DNAH14: variants seen among roughly 807,000 people sequenced by gnomAD.
DNAH14 encodes the protein dynein axonemal heavy chain 14, also known as axonemal beta dynein heavy chain 14.
In DNAH14, 478 loss-of-function variants were observed where a neutral mutation model predicts 520.9. That is an observed-to-expected ratio of 0.92 (90% confidence interval 0.85 to 0.99). The LOEUF (loss-of-function observed/expected upper bound fraction) is 0.99. Among genes scored for constraint, DNAH14 ranks in the 50% least tolerant of loss-of-function variants. DNAH14 has a pLI of 0.00. For missense variants in DNAH14, 4,831 were observed against 5,234.5 expected (o/e 0.92, Z 2.38); for synonymous variants, 1,581 against 1,757.2 (o/e 0.90, Z 2.51).
intron 8 of DNAH14, among the ~76,000 whole-genome samples, chr1:224,977,695 A>G (rs79496569): frequency 0.055 from 8,381 of 152,302 alleles, 469 homozygotes; most frequent in East Asian, 0.24. Flanking sequence ...AGAATGCTGT[A>G]TCTGCGCAGC....
chr1:225,161,136 C>T (rs902751911), intron 35 of DNAH14, among the ~76,000 whole-genome samples: 1 of 151,938 alleles, frequency 6.6e-6, no homozygotes, highest in Non-Finnish European at 1.5e-5. Context: ...TTTTTTTGTG[C>T]ACATTAACCA....
intron 11 of DNAH14, among the ~76,000 whole-genome samples, chr1:225,037,654 A>C (rs1328312496): frequency 6.6e-6 from 1 of 151,032 alleles, no homozygotes; most frequent in East Asian, 2.0e-4. Context: ...AATAGTTTAC[A>C]CATCACCGTT....
chr1:225,208,819 T>C lies in DNAH14; in HGVS notation c.6439+1599T>C, dbSNP rs145287030. Among the ~76,000 whole-genome samples, 313 of 152,322 alleles carry C rather than the reference T, an allele frequency of 2.1e-3. 1 individual carries two copies. Among genetic ancestry groups the C allele is most frequent in the African/African-American group, 7.2e-3 (299 of 41,578 alleles). ...TCTCTTTGTGTTTCTGTTTGGTTGA[T>C]TTCTATTGACTTGTCCTCCAATTTA... On this transcript the variant is annotated intron_variant, in intron 41 of 85. Transcript: ENST00000682510.
chr1:225,108,674 A>T (rs2076273230), intron 23 of DNAH14, among the ~76,000 whole-genome samples: 1 of 152,034 alleles, frequency 6.6e-6, no homozygotes, highest in Admixed American at 6.6e-5. Context: ...TTGTCTCTTC[A>T]TTATTTTGTT....
intron 74 of DNAH14, among the ~76,000 whole-genome samples, chr1:225,360,389 A>C (rs1223190477): frequency 6.6e-6 from 1 of 152,168 alleles, no homozygotes; most frequent in African/African-American, 2.4e-5. Context: ...CTGAGTATAC[A>C]GCCATCTCGA....
At chr1:225,024,119 C>T in intron 11 of DNAH14, 1 of 1,038,386 alleles carries the variant, frequency 9.6e-7, no homozygotes, top group Non-Finnish European at 1.2e-6. Flanking sequence ...TCAAGTATTA[C>T]CTATGTTAAA....
At chr1:224,992,686 G>A (rs1905119) in intron 8 of DNAH14, among the ~76,000 whole-genome samples, 1 of 151,934 alleles carries the variant, frequency 6.6e-6, no homozygotes, top group Admixed American at 6.6e-5. Flanking sequence ...TTTCTTATTA[G>A]GATGTCTTTT....
intron 1 of DNAH14, among the ~76,000 whole-genome samples, chr1:224,933,918 A>G (rs919707394): frequency 6.6e-6 from 1 of 151,668 alleles, no homozygotes; most frequent in African/African-American, 2.4e-5. Context: ...TGTGTACTAC[A>G]GATATCACTA....
In DNAH14 at chr1:225,268,187, T is replaced by A. The variant is rs111466336; in HGVS notation, c.7539+1418T>A. ...TTGTTTCGTTTTGTTTTTAAATCAA[T>A]AAACGTAATCCATCATATAAACAGA... is the stretch of plus-strand genomic sequence containing the variant. On this transcript the variant is annotated intron_variant, in intron 49 of 85. Coordinates refer to ENST00000682510, the MANE Select transcript of DNAH14 (RefSeq NM_001367479.1). 2.8e-3 allele frequency among the ~76,000 whole-genome samples: 420 copies of A among 152,316 alleles called. 3 individuals are homozygous for A. Among genetic ancestry groups the A allele is most frequent in the African/African-American group, 9.5e-3 (394 of 41,564 alleles).
intron 34 of DNAH14, among the ~76,000 whole-genome samples, chr1:225,154,376 C>A (rs1429669964): frequency 6.6e-6 from 1 of 151,822 alleles, no homozygotes; most frequent in Non-Finnish European, 1.5e-5. Flanking sequence ...CAAGCTGGTC[C>A]TAAAGTTCAC....
At chr1:225,367,560 T>C (rs1283809976) in intron 76 of DNAH14, among the ~76,000 whole-genome samples, 1 of 152,252 alleles carries the variant, frequency 6.6e-6, no homozygotes, top group Non-Finnish European at 1.5e-5. Flanking sequence ...AGAGTGCTTT[T>C]AATCACAACA....
At chr1:225,342,570 G>GAA (rs1414543530) in intron 69 of DNAH14, among the ~76,000 whole-genome samples, 14 of 151,772 alleles carry the variant, frequency 9.2e-5, no homozygotes, top group Admixed American at 2.6e-4. Context: ...TTATATTCAA[G>GAA]AAATGTTTAT....
At chr1:225,082,486 A>G (rs1390199855) in intron 19 of DNAH14, 63 bp from the exon 20 acceptor site, 1 of 1,267,018 alleles carries the variant, frequency 7.9e-7, no homozygotes, top group South Asian at 2.2e-5. Flanking sequence ...TATTTTCTCA[A>G]TTTTTTTGGT....
intron 11 of DNAH14, chr1:225,024,136 G>C (rs1346743760): frequency 9.9e-7 from 1 of 1,014,972 alleles, no homozygotes; most frequent in African/African-American, 1.7e-5. Flanking sequence ...TAAAATTATT[G>C]TTTATCTGAA....
intron 41 of DNAH14, among the ~76,000 whole-genome samples, chr1:225,217,537 C>T (rs185556445): frequency 4.6e-5 from 7 of 152,178 alleles, no homozygotes; most frequent in Admixed American, 3.3e-4. Flanking sequence ...CCTTGAGCTG[C>T]GGTGGGCTCC....
chr1:225,173,463 A>C (rs1202790071), intron 36 of DNAH14, among the ~76,000 whole-genome samples: 2 of 152,238 alleles, frequency 1.3e-5, no homozygotes, highest in Non-Finnish European at 2.9e-5. Context: ...ATGAACAGAC[A>C]CTTCTCAAAA....
intron 46 of DNAH14, among the ~76,000 whole-genome samples, chr1:225,261,203 C>G (rs963188138): frequency 1.3e-5 from 2 of 152,148 alleles, no homozygotes; most frequent in African/African-American, 2.4e-5. Context: ...GAGTGGGTAT[C>G]CTTGTCTGGT....
Position 225,335,514 on chromosome 1 carries a change from T to C in DNAH14, c.10081-1752T>C, listed in dbSNP as rs1239205900. On this transcript the variant is annotated intron_variant, in intron 66 of 85. Transcript: ENST00000682510. ...ACGTGTGTACATGTACACATATACA[T>C]ATGTACATATATACATATGTACATA... Among the ~76,000 whole-genome samples the C allele has an allele frequency of 5.1e-5, 7 of 137,250 alleles. 3 individuals carry two copies. Among genetic ancestry groups the C allele is most frequent in the African/African-American group, 1.8e-4 (7 of 37,896 alleles). The allele number at this position is 137,250 out of a possible 152,430, so 90.0% of individuals were successfully genotyped here.
At chr1:225,314,539 C>T (rs2094432613) in intron 60 of DNAH14, among the ~76,000 whole-genome samples, 1 of 152,136 alleles carries the variant, frequency 6.6e-6, no homozygotes, top group Admixed American at 6.6e-5. Flanking sequence ...TGTTAATGGT[C>T]TTTACATTTT....
Sources: allele counts gnomAD v4.1 joint callset (sites outside exome capture counted in the v4.1 genomes callset), GRCh38; gene constraint gnomAD v4.1.1; transcripts MANE v1.5; gene names NCBI Gene and HGNC (gene_info 2026-07-23, HGNC 2026-07-21).